The following LRRTM4 variants were observed in gnomAD, a reference collection of about 807,000 sequenced individuals.
LRRTM4 encodes the protein leucine-rich repeat transmembrane neuronal protein 4.
In LRRTM4, 25 loss-of-function variants were observed where a neutral mutation model predicts 47.6. The ratio of observed to expected loss-of-function variants is 0.53; its 90% CI spans 0.38 to 0.73. The LOEUF (loss-of-function observed/expected upper bound fraction) is 0.73. Among genes scored for constraint, LRRTM4 ranks in the 30% least tolerant of loss-of-function variants. LRRTM4 has a pLI of 0.00. For synonymous variants in LRRTM4, 311 were observed against 269.5 expected, an observed-to-expected ratio of 1.15 and a Z score of -1.51; for missense variants, 638 against 713.4, an observed-to-expected ratio of 0.89 and a Z score of 1.20.
chr2:76,782,258 C>T (rs955073803), intron 3 of LRRTM4, among the ~76,000 whole-genome samples: 1 of 152,108 alleles, frequency 6.6e-6, no homozygotes. Context: ...TACAGTGGTC[C>T]TTACACTGGA....
rs140866401 is a variant in LRRTM4, at chr2:77,053,814, C to A, written c.1552-304898G>T. ...GCTAAAAGAGATTTATATAAAATAT[C>A]TTCCCATTTAATATGTTTGTGAAAT... On this transcript the variant is annotated intron_variant, in intron 3 of 3. Transcript: ENST00000409884. 3.3e-4 allele frequency among the ~76,000 whole-genome samples: 50 copies of A among 152,186 alleles called. 1 individual carries two copies. In the East Asian group the frequency reaches 9.1e-3, roughly 28 times the overall value.
intron 3 of LRRTM4, among the ~76,000 whole-genome samples, chr2:77,246,839 A>G (rs2104003371): frequency 6.6e-6 from 1 of 152,238 alleles, no homozygotes; most frequent in African/African-American, 2.4e-5. Context: ...ATACATGTAT[A>G]CATATATGCA....
intron 3 of LRRTM4, among the ~76,000 whole-genome samples, chr2:77,261,425 T>A (rs765750491): frequency 1.3e-5 from 2 of 152,122 alleles, no homozygotes; most frequent in African/African-American, 4.8e-5. Context: ...TTTCTCATCC[T>A]GGTGAAACTA....
At chr2:76,921,818 A>C (rs1674441795) in intron 3 of LRRTM4, among the ~76,000 whole-genome samples, 3 of 152,110 alleles carry the variant, frequency 2.0e-5, no homozygotes, top group African/African-American at 7.2e-5. Context: ...TCCCTGCACA[A>C]GCATTAGAAT....
At chr2:77,012,039 A>C (rs1677894282) in intron 3 of LRRTM4, among the ~76,000 whole-genome samples, 1 of 152,094 alleles carries the variant, frequency 6.6e-6, no homozygotes, top group Non-Finnish European at 1.5e-5. Context: ...TTAGAGCATA[A>C]AAATATGGCA....
At chr2:76,977,777 T>C (rs1409905005) in intron 3 of LRRTM4, among the ~76,000 whole-genome samples, 4 of 152,012 alleles carry the variant, frequency 2.6e-5, no homozygotes, top group African/African-American at 9.7e-5. Context: ...AGGAACAATC[T>C]AAAGCATAGG....
At position 77,518,724 on chromosome 2, in the gene LRRTM4, A is replaced by C; in HGVS notation, c.1145T>G (p.Leu382Arg). 1 of 1,613,506 alleles carries C rather than the reference A, an allele frequency of 6.2e-7. No homozygotes were observed. Among genetic ancestry groups the C allele is most frequent in the Non-Finnish European group, 8.5e-7 (1 of 1,179,692 alleles). Residue 382 changes from leucine to arginine, a missense_variant, in exon 3 of 4, where the codon CTG (leucine) becomes CGG (arginine). Coordinates refer to ENST00000409884, the MANE Select transcript of LRRTM4 (RefSeq NM_001134745.3). ...HLVPQTPQKP[L>R]IIPRPTIFKP... ...GAAGATGGTAGGTCTAGGGATAATC[A>C]GAGGTTTCTGGGGAGTTTGGGGCAC... is the stretch of plus-strand genomic sequence containing the variant.
chr2:77,045,560 G>A (rs891148356), intron 3 of LRRTM4, among the ~76,000 whole-genome samples: 2 of 151,948 alleles, frequency 1.3e-5, no homozygotes, highest in South Asian at 2.1e-4. Flanking sequence ...TAATTGAATC[G>A]TGAGGGCAGG....
chr2:77,457,028 ATATATATATATATATATATATATG>A lies in LRRTM4; in HGVS notation c.1551+61266_1551+61289del, dbSNP rs1185214066. On this transcript the variant is annotated intron_variant, in intron 3 of 3. Coordinates refer to ENST00000409884, the MANE Select transcript of LRRTM4 (RefSeq NM_001134745.3). ...TGTATATATATATATATATATATAT[ATATATATATATATATATATATATG>A]TATAACCTGGAACTCTTTGACAAGC... is the stretch of plus-strand genomic sequence containing the variant. Among the ~76,000 whole-genome samples, 29 of 23,666 alleles carry A rather than the reference ATATATATATATATATATATATATG, an allele frequency of 1.2e-3. 2 individuals are homozygous for A. The highest frequency in any genetic ancestry group is 3.7e-3 in the African/African-American group (22 of 5,934). The allele number at this position is 23,666 out of a possible 152,430, so 15.5% of individuals were successfully genotyped here.
intron 3 of LRRTM4, among the ~76,000 whole-genome samples, chr2:76,916,899 A>G (rs1674271295): frequency 1.3e-5 from 2 of 152,232 alleles, no homozygotes; most frequent in Admixed American, 6.5e-5. Flanking sequence ...TATTTATAAA[A>G]CCATCACATT....
intron 3 of LRRTM4, among the ~76,000 whole-genome samples, chr2:76,973,253 C>T (rs1214452466): frequency 6.6e-6 from 1 of 151,886 alleles, no homozygotes; most frequent in Non-Finnish European, 1.5e-5. Context: ...AGTAATTACA[C>T]AGAATTCCAG....
chr2:77,008,609 T>G (rs959869979), intron 3 of LRRTM4, among the ~76,000 whole-genome samples: 1 of 152,110 alleles, frequency 6.6e-6, no homozygotes, highest in African/African-American at 2.4e-5. Context: ...GCTGTATAAT[T>G]GAATAACATC....
Position 77,298,606 on chromosome 2 carries a change from T to G in LRRTM4, c.1551+219712A>C, listed in dbSNP as rs1018577721. Among the ~76,000 whole-genome samples the G allele has an allele frequency of 9.2e-5, 14 of 152,324 alleles. No homozygotes were observed. In the East Asian group the frequency reaches 2.5e-3, roughly 27 times the overall value. On this transcript the variant is annotated intron_variant, in intron 3 of 3. Transcript: ENST00000409884. ...TTAAATGATGGAACCCATGAACAGA[T>G]GTCTAAAATTCTAGAGACAATTTTT... is the stretch of plus-strand genomic sequence containing the variant.
intron 3 of LRRTM4, among the ~76,000 whole-genome samples, chr2:77,375,750 G>A (rs1411408088): frequency 6.6e-6 from 1 of 151,612 alleles, no homozygotes; most frequent in Non-Finnish European, 1.5e-5. Flanking sequence ...CACTGTTGTT[G>A]CATACGGCCG....
intron 3 of LRRTM4, among the ~76,000 whole-genome samples, chr2:77,243,140 C>G (rs902091035): frequency 1.3e-5 from 2 of 152,060 alleles, no homozygotes; most frequent in Non-Finnish European, 2.9e-5. Context: ...CGGCCAGGCA[C>G]GGTGGCTCAC....
At chr2:76,903,688 T>C (rs187284172) in intron 3 of LRRTM4, among the ~76,000 whole-genome samples, 155 of 152,316 alleles carry the variant, frequency 1.0e-3, no homozygotes, top group African/African-American at 3.5e-3. Flanking sequence ...GATATTCTTG[T>C]AACTAGGATA....
At chr2:76,826,067 C>A (rs1671181953) in intron 3 of LRRTM4, among the ~76,000 whole-genome samples, 1 of 151,548 alleles carries the variant, frequency 6.6e-6, no homozygotes, top group African/African-American at 2.4e-5. Flanking sequence ...AATAATAGTT[C>A]AGGAGACAAT....
chr2:77,350,664 TC>T (rs1671732925), intron 3 of LRRTM4, among the ~76,000 whole-genome samples: 1 of 152,074 alleles, frequency 6.6e-6, no homozygotes, highest in African/African-American at 2.4e-5. Flanking sequence ...CAGCAAGCAA[TC>T]CTTTATAATA....
chr2:77,233,003 A>G (rs1302405981), intron 3 of LRRTM4, among the ~76,000 whole-genome samples: 1 of 152,238 alleles, frequency 6.6e-6, no homozygotes, highest in Non-Finnish European at 1.5e-5. Context: ...TTTGTGCAAT[A>G]TAAATTAGTG....
Sources: allele counts gnomAD v4.1 joint callset (sites outside exome capture counted in the v4.1 genomes callset), GRCh38; gene constraint gnomAD v4.1.1; transcripts MANE v1.5; gene names NCBI Gene and HGNC (gene_info 2026-07-23, HGNC 2026-07-21).